Variants in IL23R observed in about 807,000 individuals in gnomAD.
The protein encoded by IL23R is interleukin 23 receptor.
Under a neutral mutation model 56.9 loss-of-function variants are expected in IL23R, and 34 were observed. The ratio of observed to expected loss-of-function variants is 0.60; its 90% CI spans 0.45 to 0.80. The LOEUF (loss-of-function observed/expected upper bound fraction) is 0.80, where lower values mean the gene tolerates loss of function less well. IL23R is among the 30% of genes least tolerant of loss of function. The pLI is 0.00. For synonymous variants in IL23R, 230 were observed against 249.2 expected (o/e 0.92, Z 0.73); for missense variants, 635 against 730.0 (o/e 0.87, Z 1.50).
chr1:67,251,053 G>A (rs1206619500), intron 9 of IL23R, among the ~76,000 whole-genome samples: 2 of 152,118 alleles, frequency 1.3e-5, no homozygotes, highest in Non-Finnish European at 2.9e-5. Flanking sequence ...TTATCTTAGG[G>A]CCTCTCATGT....
At chr1:67,196,561 GA>G (rs1387502561) in intron 4 of IL23R, among the ~76,000 whole-genome samples, 1 of 151,992 alleles carries the variant, frequency 6.6e-6, no homozygotes, top group East Asian at 1.9e-4. Flanking sequence ...AAGAAAATAA[GA>G]ATGTAGGCTA....
In IL23R at chr1:67,191,472, C is replaced by T. The variant is rs191617651; in HGVS notation, c.491+8513C>T. On this transcript the variant is annotated intron_variant, in intron 4 of 10. Coordinates refer to ENST00000347310, the MANE Select transcript of IL23R (RefSeq NM_144701.3). ...ACTGCTCCAAAACTTTCCTCTCTTC[C>T]TTCTGCATTGTCATTGTCTCTGTCT... 2.0e-5 allele frequency among the ~76,000 whole-genome samples: 3 copies of T among 152,294 alleles called. No individual in the cohort carries two copies. The East Asian group carries it at 5.8e-4, about 29-fold the overall frequency.
Position 67,192,881 on chromosome 1 carries a change from G to A in IL23R, c.492-7856G>A, listed in dbSNP as rs957557856. Among the ~76,000 whole-genome samples, 11 of 152,186 alleles carry A rather than the reference G, an allele frequency of 7.2e-5. No individual in the cohort carries two copies. The Middle Eastern group carries it at 0.01, about 141-fold the overall frequency. The stretch of plus-strand genomic sequence containing the variant: ...TTCCTCCAGAGTCCCTTATTCATGA[G>A]TTTTCACAGTAATCCTTTTCACATG... On this transcript the variant is annotated intron_variant, in intron 4 of 10. Coordinates refer to ENST00000347310, the MANE Select transcript of IL23R (RefSeq NM_144701.3).
chr1:67,165,035 C>G, upstream of IL23R, among the ~76,000 whole-genome samples: 1 of 152,066 alleles, frequency 6.6e-6, no homozygotes, highest in East Asian at 1.9e-4. Flanking sequence ...TGGTGAGAAC[C>G]CATCTCTACC....
At chr1:67,234,552 T>G (rs991859917) in intron 7 of IL23R, among the ~76,000 whole-genome samples, 1 of 152,272 alleles carries the variant, frequency 6.6e-6, no homozygotes, top group African/African-American at 2.4e-5. Flanking sequence ...TTAACCTGTA[T>G]TAAAAGCCAA....
chr1:67,160,097 C>T (rs911293695), intron 1 of IL23R, among the ~76,000 whole-genome samples: 1 of 152,126 alleles, frequency 6.6e-6, no homozygotes, highest in Non-Finnish European at 1.5e-5. Flanking sequence ...AAGCAATCCA[C>T]CCACCTTGAC....
At chr1:67,183,409 T>A (rs1165851894) in intron 4 of IL23R, among the ~76,000 whole-genome samples, 1 of 152,124 alleles carries the variant, frequency 6.6e-6, no homozygotes, top group South Asian at 2.1e-4. Flanking sequence ...GTGGCAGGCA[T>A]CTGTAATTCC....
At chr1:67,180,547 C>G (rs558995175) in intron 3 of IL23R, among the ~76,000 whole-genome samples, 4 of 152,120 alleles carry the variant, frequency 2.6e-5, no homozygotes, top group African/African-American at 4.8e-5. Context: ...GAATACAGCA[C>G]GCTGATGGGT....
Position 67,258,515 on chromosome 1 carries a change from A to G in IL23R, c.1277A>G (p.Gln426Arg), listed in dbSNP as rs1558269449. The change falls in exon 11 of 11, where the codon CAG becomes CGG. Residue 426 changes from glutamine to arginine, a missense_variant. Physicochemically the swap from Gln to Arg is conservative, Grantham distance 43. Transcript: ENST00000347310. Reference sequence around the variant, plus strand: ...CTTATGAATAATAATTCCAGTGAGCAGGTCCTATATGTTGATCCCATGATT... The same window carrying G: ...CTTATGAATAATAATTCCAGTGAGCGGGTCCTATATGTTGATCCCATGATT... The part of the protein sequence containing the change: ...SELMNNNSSE[Q>R]VLYVDPMITE... 2 of 1,603,240 alleles carry G rather than the reference A, an allele frequency of 1.2e-6. No individual in the cohort carries two copies. Among genetic ancestry groups the G allele is most frequent in the Non-Finnish European group, 1.7e-6 (2 of 1,175,048 alleles).
chr1:67,166,568 C>T (rs1323876342), intron 1 of IL23R, 27 bp downstream of exon 1: 1 of 152,350 alleles, frequency 6.6e-6, no homozygotes, highest in African/African-American at 2.4e-5. Flanking sequence ...CATCCAAATA[C>T]TTAAAGACAG....
At chr1:67,199,346 G>A (rs542428602) in intron 4 of IL23R, among the ~76,000 whole-genome samples, 31 of 152,124 alleles carry the variant, frequency 2.0e-4, no homozygotes, top group African/African-American at 6.5e-4. Context: ...ACCCCATTGC[G>A]ATCTCTCACC....
At chr1:67,199,184 T>C (rs1648415843) in intron 4 of IL23R, among the ~76,000 whole-genome samples, 2 of 152,332 alleles carry the variant, frequency 1.3e-5, no homozygotes, top group South Asian at 4.1e-4. Context: ...TGGAAGGTCT[T>C]CTGACAGGCC....
intron 1 of IL23R, among the ~76,000 whole-genome samples, chr1:67,155,537 A>T (rs796933222): frequency 6.6e-6 from 1 of 152,152 alleles, no homozygotes; most frequent in Non-Finnish European, 1.5e-5. Context: ...TATTTCAGCA[A>T]GGTGGTCTTC....
chr1:67,170,088 G>C (rs1646923920), intron 3 of IL23R, among the ~76,000 whole-genome samples: 1 of 152,076 alleles, frequency 6.6e-6, no homozygotes, highest in South Asian at 2.1e-4. Context: ...AGATCCCATT[G>C]AGAAATTTTG....
Position 67,173,731 on chromosome 1 carries a change from A to G in IL23R, c.367+4093A>G, listed in dbSNP as rs141502994. The stretch of plus-strand genomic sequence containing the variant: ...TTTTTTAATTATAAAATCAAATTGC[A>G]TTGAATATAGAGAGTTTTTAAAATG... On this transcript the variant is annotated intron_variant, in intron 3 of 10. Coordinates refer to ENST00000347310, the MANE Select transcript of IL23R (RefSeq NM_144701.3). Among the ~76,000 whole-genome samples the G allele has an allele frequency of 1.1e-4, 16 of 152,280 alleles. No individual in the cohort carries two copies. The East Asian group carries it at 3.1e-3, about 29-fold the overall frequency.
intron 4 of IL23R, among the ~76,000 whole-genome samples, chr1:67,200,014 T>C (rs1648492895): frequency 6.6e-6 from 1 of 152,136 alleles, no homozygotes. Context: ...GTCTCTACTG[T>C]TTAGAAAATT....
chr1:67,251,844 C>T lies in IL23R; in HGVS notation c.1149-3993C>T, dbSNP rs577939262. On this transcript the variant is annotated intron_variant, in intron 9 of 10. Coordinates refer to ENST00000347310, the MANE Select transcript of IL23R (RefSeq NM_144701.3). ...TGCTTCCCAGAAGGGCTCTAAAGTA[C>T]TTAATTTTGAGCTTGCAAAAGCTTT... Among the ~76,000 whole-genome samples the T allele has an allele frequency of 6.6e-4, 101 of 152,260 alleles. No individual in the cohort carries two copies. The Middle Eastern group carries it at 0.01, about 15-fold the overall frequency.
intron 1 of IL23R, among the ~76,000 whole-genome samples, chr1:67,158,589 G>C (rs911613804): frequency 1.3e-5 from 2 of 152,132 alleles, no homozygotes; most frequent in Admixed American, 6.5e-5. Flanking sequence ...TGTTGCCATG[G>C]TAATGGTAAA....
Position 67,182,993 on chromosome 1 carries a change from T to C in IL23R, c.491+34T>C, listed in dbSNP as rs774848732. 1.2e-5 allele frequency: 20 copies of C among 1,612,692 alleles called. 1 individual carries two copies. The highest frequency in any genetic ancestry group is 4.4e-5 in the South Asian group (4 of 91,008). ...CTTCCTCACGGCTTCATATAAGCAG[T>C]TCCACCCCAGTTCAGCCAGAGCTCT... On this transcript the variant is annotated intron_variant, in intron 4 of 10. Coordinates refer to ENST00000347310, the MANE Select transcript of IL23R (RefSeq NM_144701.3).
Sources: gnomAD v4.1 joint callset for allele counts (sites outside exome capture counted in the v4.1 genomes callset) on GRCh38, gnomAD v4.1.1 for gene constraint, MANE v1.5 for transcripts, NCBI Gene and HGNC (gene_info 2026-07-23, HGNC 2026-07-21) for gene names.